The following RAD51B variants were observed in gnomAD, a reference collection of about 807,000 sequenced individuals.
The protein encoded by RAD51B is RAD51 paralog B, also known as DNA repair protein RAD51 homolog 2.
Under a neutral mutation model 42.2 loss-of-function variants are expected in RAD51B, and 38 were observed. The ratio of observed to expected loss-of-function variants is 0.90; its 90% CI spans 0.70 to 1.18. RAD51B has a LOEUF of 1.18. Ranked by LOEUF, RAD51B falls within the 50% of genes most tolerant of loss-of-function variation. The pLI is 0.00. For missense variants in RAD51B, 373 were observed against 400.7 expected (o/e 0.93, Z 0.59); for synonymous variants, 154 against 145.2 (o/e 1.06, Z -0.43).
intron 7 of RAD51B, among the ~76,000 whole-genome samples, chr14:67,967,198 C>T (rs2074797541): frequency 6.6e-6 from 1 of 152,170 alleles, no homozygotes; most frequent in Non-Finnish European, 1.5e-5. Context: ...ATACTGCCCC[C>T]ATGATTCAAA....
chr14:67,963,229 A>G (rs1368631791), intron 7 of RAD51B, among the ~76,000 whole-genome samples: 1 of 152,036 alleles, frequency 6.6e-6, no homozygotes, highest in East Asian at 1.9e-4. Context: ...TGTGTATAGA[A>G]TTGATATTTT....
At chr14:67,887,237 C>T (rs1482891481) in intron 7 of RAD51B, 33 bp downstream of exon 7, 1 of 1,524,340 alleles carries the variant, frequency 6.6e-7, no homozygotes, top group Non-Finnish European at 9.0e-7. Flanking sequence ...TTTTTCTTTT[C>T]CTTTCTTTTG....
intron 8 of RAD51B, among the ~76,000 whole-genome samples, chr14:68,298,304 G>T (rs565369168): frequency 6.6e-6 from 1 of 152,184 alleles, no homozygotes; most frequent in Non-Finnish European, 1.5e-5. Context: ...AGGCCAGGGG[G>T]CAATGTAACC....
intron 8 of RAD51B, among the ~76,000 whole-genome samples, chr14:68,407,025 T>C (rs2084294955): frequency 6.6e-6 from 1 of 152,220 alleles, no homozygotes; most frequent in African/African-American, 2.4e-5. Flanking sequence ...AATGCCTTCT[T>C]CTGCAATACC....
chr14:68,106,285 C>T (rs2077375492), intron 7 of RAD51B, among the ~76,000 whole-genome samples: 1 of 147,676 alleles, frequency 6.8e-6, no homozygotes, highest in Non-Finnish European at 1.5e-5. Flanking sequence ...TTGTTTCTTA[C>T]TTAAAAAAAT....
chr14:68,351,979 A>G (rs2082799881), intron 8 of RAD51B, among the ~76,000 whole-genome samples: 1 of 152,130 alleles, frequency 6.6e-6, no homozygotes, highest in African/African-American at 2.4e-5. Flanking sequence ...ATGGGGATGA[A>G]AAGAAGGGAA....
At chr14:68,534,336 T>C (rs1372283741) in intron 10 of RAD51B, among the ~76,000 whole-genome samples, 1 of 152,176 alleles carries the variant, frequency 6.6e-6, no homozygotes, top group Non-Finnish European at 1.5e-5. Flanking sequence ...GAAGGAGTTG[T>C]ATGCTCAAGT....
intron 10 of RAD51B, among the ~76,000 whole-genome samples, chr14:68,505,296 A>C (rs1265738601): frequency 6.6e-6 from 1 of 152,174 alleles, no homozygotes; most frequent in African/African-American, 2.4e-5. Context: ...GCTTTCTAGT[A>C]AGATTTTATT....
intron 7 of RAD51B, among the ~76,000 whole-genome samples, chr14:67,933,677 T>G (rs1195468348): frequency 1.3e-5 from 2 of 152,220 alleles, no homozygotes; most frequent in Non-Finnish European, 2.9e-5. Context: ...TTCCTTCTCC[T>G]TCTTTGCCTC....
At chr14:67,869,795 G>T (rs1178287347) in intron 5 of RAD51B, among the ~76,000 whole-genome samples, 1 of 152,132 alleles carries the variant, frequency 6.6e-6, no homozygotes, top group South Asian at 2.1e-4. Flanking sequence ...CATTCTTAAA[G>T]AAAAGAATTT....
At chr14:68,456,484 CAA>C (rs898785939) in intron 9 of RAD51B, among the ~76,000 whole-genome samples, 1 of 151,552 alleles carries the variant, frequency 6.6e-6, no homozygotes, top group Non-Finnish European at 1.5e-5. Context: ...TTACTGGAAA[CAA>C]AAAAAGAGAC....
intron 7 of RAD51B, among the ~76,000 whole-genome samples, chr14:67,896,082 T>C (rs1396949728): frequency 3.3e-5 from 5 of 152,220 alleles, no homozygotes; most frequent in Non-Finnish European, 5.9e-5. Flanking sequence ...TAAAGCCCCC[T>C]GAAAACAGAA....
intron 1 of RAD51B, among the ~76,000 whole-genome samples, chr14:67,820,092 C>CT (rs1195622634): frequency 6.6e-6 from 1 of 152,114 alleles, no homozygotes; most frequent in Non-Finnish European, 1.5e-5. Context: ...GGAAAAAGCT[C>CT]TTTTTAGGGG....
At chr14:68,072,505 T>C (rs1250990476) in intron 7 of RAD51B, among the ~76,000 whole-genome samples, 1 of 152,066 alleles carries the variant, frequency 6.6e-6, no homozygotes, top group Non-Finnish European at 1.5e-5. Context: ...TTACATTCGC[T>C]GGCAGCTGAT....
At chr14:68,555,891 C>A (rs1027264304) in intron 10 of RAD51B, among the ~76,000 whole-genome samples, 8 of 152,174 alleles carry the variant, frequency 5.3e-5, no homozygotes, top group African/African-American at 1.9e-4. Flanking sequence ...TCCTTGAGAG[C>A]CAGTATGGGT....
chr14:68,184,309 C>G (rs1349126249), intron 7 of RAD51B, among the ~76,000 whole-genome samples: 3 of 152,066 alleles, frequency 2.0e-5, no homozygotes, highest in African/African-American at 7.2e-5. Flanking sequence ...AATCACAGCT[C>G]ACTACAACCT....
intron 10 of RAD51B, among the ~76,000 whole-genome samples, chr14:68,472,501 C>T (rs971967621): frequency 1.3e-5 from 2 of 152,206 alleles, no homozygotes; most frequent in African/African-American, 4.8e-5. Context: ...GTTGATCTAG[C>T]ACAGCCTCCC....
chr14:68,546,486 A>G (rs183392668), intron 10 of RAD51B, among the ~76,000 whole-genome samples: 1 of 152,216 alleles, frequency 6.6e-6, no homozygotes, highest in East Asian at 1.9e-4. Context: ...TTGGACATGT[A>G]TGATTTGAGA....
chr14:68,175,062 C>A (rs899105725), intron 7 of RAD51B, among the ~76,000 whole-genome samples: 10 of 152,148 alleles, frequency 6.6e-5, no homozygotes, highest in African/African-American at 2.4e-4. Context: ...CCAGAAAGAT[C>A]AAACTATCAA....
Sources: gnomAD v4.1 joint callset for allele counts (sites outside exome capture counted in the v4.1 genomes callset) on GRCh38, gnomAD v4.1.1 for gene constraint, MANE v1.5 for transcripts, NCBI Gene and HGNC (gene_info 2026-07-23, HGNC 2026-07-21) for gene names.